RELL1: variants seen among roughly 807,000 people sequenced by gnomAD.
RELL1 encodes the protein RELT-like protein 1.
Under a neutral mutation model 23.0 loss-of-function variants are expected in RELL1, and 10 were observed. The observed-to-expected ratio is 0.43, with a 90% CI of 0.27 to 0.74. The LOEUF is 0.74. Among genes scored for constraint, RELL1 ranks in the 30% least tolerant of loss-of-function variants. The pLI is 0.19. For synonymous variants in RELL1, 146 were observed against 146.8 expected (o/e 0.99, Z 0.04); for missense variants, 315 against 364.4 (o/e 0.86, Z 1.10).
rs1720123697 is a variant in RELL1 at position 37,631,399 on chromosome 4, C to T, written c.805G>A (p.Gly269Ser). ...CCACGGCTCACCTGCTACTCTGTGC[C>T]ACTGCGTTCTCTCTTCACAGGTGTT... ...PATPVKRERS[G>S]TE The change falls in exon 6 of 7, where the codon GGC becomes AGC. Residue 269 changes from glycine to serine, a missense_variant. Transcript: ENST00000454158. The T allele has an allele frequency of 1.2e-6, 2 of 1,613,880 alleles. No homozygotes were observed. The highest frequency in any genetic ancestry group is 1.7e-6 in the Non-Finnish European group (2 of 1,179,894).
chr4:37,590,658 TAATG>T (rs770530555), downstream of RELL1: 10 of 1,613,990 alleles, frequency 6.2e-6, no homozygotes, highest in Non-Finnish European at 8.5e-6. Flanking sequence ...ACGTTGATCA[TAATG>T]AAAAGGACTG....
intron 6 of RELL1, among the ~76,000 whole-genome samples, chr4:37,599,908 CATA>C (rs1226851972): frequency 6.6e-6 from 1 of 152,122 alleles, no homozygotes; most frequent in South Asian, 2.1e-4. Flanking sequence ...CTCTCTCGGC[CATA>C]ATGAGATTTA....
intron 3 of RELL1, among the ~76,000 whole-genome samples, chr4:37,645,360 T>C (rs1410870382): frequency 6.6e-6 from 1 of 152,210 alleles, no homozygotes; most frequent in East Asian, 1.9e-4. Flanking sequence ...GCCAAGGACA[T>C]AGTCATGCAT....
chr4:37,606,414 T>C (rs1236571215), downstream of RELL1, among the ~76,000 whole-genome samples: 1 of 152,166 alleles, frequency 6.6e-6, no homozygotes, highest in Admixed American at 6.5e-5. This position sits in a 1 kb window ranked among gnomAD's most constrained non-coding sequence, Gnocchi z 4.1. Context: ...ACAAGACCTG[T>C]TGATGTTGAA....
At chr4:37,601,899 G>A (rs1015803617) in intron 6 of RELL1, among the ~76,000 whole-genome samples, 1 of 152,088 alleles carries the variant, frequency 6.6e-6, no homozygotes, top group African/African-American at 2.4e-5. Context: ...CTAGGCCTTG[G>A]GGACAACTGA....
intron 1 of RELL1, among the ~76,000 whole-genome samples, chr4:37,653,438 T>C (rs1721021180): frequency 6.6e-6 from 1 of 151,676 alleles, no homozygotes; most frequent in South Asian, 2.1e-4. Flanking sequence ...AATACAAGTA[T>C]TGAATACTCA....
chr4:37,592,017 G>A (rs1272325352), intron 6 of RELL1, among the ~76,000 whole-genome samples: 1 of 151,980 alleles, frequency 6.6e-6, no homozygotes, highest in African/African-American at 2.4e-5. Flanking sequence ...GATCAGCCTG[G>A]CCAACATAGT....
At chr4:37,650,054 C>T (rs1720855690) in intron 1 of RELL1, among the ~76,000 whole-genome samples, 1 of 152,174 alleles carries the variant, frequency 6.6e-6, no homozygotes, top group Admixed American at 6.5e-5. Context: ...ACTACCTACT[C>T]ACCCTTCTAG....
At chr4:37,607,927 C>A (rs1030048630), downstream of RELL1, among the ~76,000 whole-genome samples, 2 of 152,026 alleles carry the variant, frequency 1.3e-5, no homozygotes, top group Non-Finnish European at 2.9e-5. Context: ...TCACTCATGT[C>A]CCTGTGTCAC....
chr4:37,619,430 G>T (rs13121780), intron 6 of RELL1, among the ~76,000 whole-genome samples: 121,964 of 150,598 alleles, frequency 0.81, 50,398 homozygotes, highest in Middle Eastern at 0.93. Context: ...ATCCACCTGC[G>T]TCAGCCTCCC....
At chr4:37,672,713 C>T (rs1721873075) in intron 1 of RELL1, among the ~76,000 whole-genome samples, 1 of 137,314 alleles carries the variant, frequency 7.3e-6, no homozygotes, top group South Asian at 2.4e-4. Context: ...TACTGAATTA[C>T]TTTGAAGCTG....
intron 1 of RELL1, among the ~76,000 whole-genome samples, chr4:37,681,688 C>A (rs7377545): frequency 1.3e-5 from 2 of 152,248 alleles, no homozygotes; most frequent in African/African-American, 2.4e-5. Context: ...GCCACCACAT[C>A]CAACTAATTT....
intron 1 of RELL1, 48 bp downstream of exon 1, chr4:37,686,152 C>T: frequency 2.0e-6 from 3 of 1,495,492 alleles, no homozygotes; most frequent in South Asian, 1.2e-5. Context: ...TCCGCGCTCC[C>T]GGGACCGGGC....
intron 1 of RELL1, among the ~76,000 whole-genome samples, chr4:37,650,876 T>G (rs982185510): frequency 3.3e-5 from 5 of 151,144 alleles, no homozygotes; most frequent in African/African-American, 1.2e-4. Context: ...CTGGGCAACA[T>G]GGTGAAACCC....
chr4:37,686,121 C>A, intron 1 of RELL1, 79 bp downstream of exon 1: 7 of 1,211,076 alleles, frequency 5.8e-6, no homozygotes, highest in Non-Finnish European at 8.1e-6. Context: ...GCGGGGCTGC[C>A]GTCCCGACCC....
Position 37,604,850 on chromosome 4 carries a change from CAG to C in RELL1, c.*4-13635_*4-13634del, listed in dbSNP as rs1560323796. On this transcript the variant is annotated intron_variant, in intron 6 of 6. Coordinates refer to the RELL1 transcript ENST00000314117. ...ACACACATACACACAGACACACACA[CAG>C]ACACACACACACAGACACACACACA... Among the ~76,000 whole-genome samples the C allele has an allele frequency of 7.1e-3, 632 of 88,616 alleles. 1 individual carries two copies. Among genetic ancestry groups the C allele is most frequent in the Middle Eastern group, 0.01 (2 of 196 alleles). The allele number at this position is 88,616 out of a possible 152,430, so 58.1% of individuals were successfully genotyped here.
intron 1 of RELL1, 57 bp from the exon 2 acceptor site, chr4:37,649,557 A>C (rs930297068): frequency 1.4e-6 from 2 of 1,458,972 alleles, no homozygotes. Flanking sequence ...AGAAAAACCT[A>C]ATGACTCTCA....
intron 5 of RELL1, 140 bp from the exon 6 acceptor site, chr4:37,631,663 G>C: frequency 1.1e-6 from 1 of 884,012 alleles, no homozygotes; most frequent in Non-Finnish European, 1.7e-6. Flanking sequence ...CAACATATTC[G>C]AACATGCATT....
chr4:37,683,668 G>C (rs1722294763), intron 1 of RELL1, among the ~76,000 whole-genome samples: 1 of 152,062 alleles, frequency 6.6e-6, no homozygotes, highest in African/African-American at 2.4e-5. Context: ...TGAGGCAGGA[G>C]AATTGCTTGA....
Sources: allele counts gnomAD v4.1 joint callset (sites outside exome capture counted in the v4.1 genomes callset), GRCh38; gene constraint gnomAD v4.1.1; non-coding constraint Gnocchi (gnomAD v3.1); transcripts MANE v1.5; gene names NCBI Gene and HGNC (gene_info 2026-07-23, HGNC 2026-07-21).